The following PAK1 variants were observed in gnomAD, a reference collection of about 807,000 sequenced individuals.
PAK1 encodes serine/threonine-protein kinase PAK 1.
A neutral mutation model predicts 67.4 loss-of-function variants in PAK1; 29 were observed. The observed-to-expected ratio is 0.43, with a 90% confidence interval of 0.32 to 0.59. The LOEUF (loss-of-function observed/expected upper bound fraction) is 0.59. Ranked by LOEUF, PAK1 falls within the 20% of genes least tolerant of loss-of-function variation. PAK1 has a pLI of 0.07. For synonymous variants in PAK1, 223 were observed against 237.4 expected (o/e 0.94, Z 0.56); for missense variants, 337 against 670.7 (o/e 0.50, Z 5.50).
At chr11:77,406,439 T>C (rs183363650) in intron 1 of PAK1, among the ~76,000 whole-genome samples, 2 of 152,332 alleles carry the variant, frequency 1.3e-5, no homozygotes, top group African/African-American at 2.4e-5. Context: ...AAGTCTGCTG[T>C]GCTTACCAAA....
chr11:77,489,732 A>G, the PAK1 span, among the ~76,000 whole-genome samples: 13,904 of 148,130 alleles, frequency 0.094, 1,904 homozygotes, highest in African/African-American at 0.31. Context: ...ATTGCAGACG[A>G]AGTCTCGTTC....
intron 13 of PAK1, among the ~76,000 whole-genome samples, chr11:77,334,456 C>T (rs1027613931): frequency 1.3e-5 from 2 of 152,270 alleles, no homozygotes; most frequent in South Asian, 2.1e-4. Flanking sequence ...CAACAGTGCA[C>T]AGGGAATTCC....
At chr11:77,405,928 G>T (rs927248825) in intron 1 of PAK1, among the ~76,000 whole-genome samples, 2 of 151,956 alleles carry the variant, frequency 1.3e-5, no homozygotes, top group Non-Finnish European at 2.9e-5. Flanking sequence ...CTGTCCTCAC[G>T]TTACTCAGTA....
chr11:77,324,887 A>C (rs1015164271), intron 14 of PAK1, among the ~76,000 whole-genome samples: 1 of 152,220 alleles, frequency 6.6e-6, no homozygotes, highest in Non-Finnish European at 1.5e-5. Context: ...GAGATAGTAT[A>C]AAGAGCTACT....
At chr11:77,400,496 A>G (rs1294097286) in intron 1 of PAK1, among the ~76,000 whole-genome samples, 2 of 152,194 alleles carry the variant, frequency 1.3e-5, no homozygotes, top group Admixed American at 6.5e-5. Flanking sequence ...ACCATCTGCT[A>G]CCCATCTGCA....
At chr11:77,355,403 C>T (rs1945875779) in intron 7 of PAK1, among the ~76,000 whole-genome samples, 1 of 152,106 alleles carries the variant, frequency 6.6e-6, no homozygotes, top group South Asian at 2.1e-4. Context: ...TTTGTCTTCG[C>T]TATAATACAT....
the PAK1 span, among the ~76,000 whole-genome samples, chr11:77,519,446 T>C: frequency 6.6e-6 from 1 of 152,218 alleles, no homozygotes; most frequent in South Asian, 2.1e-4. Context: ...TGGGTTCCTT[T>C]TCTTTTTTCT....
intron 1 of PAK1, among the ~76,000 whole-genome samples, chr11:77,441,217 A>T (rs1048497968): frequency 6.6e-6 from 1 of 151,604 alleles, no homozygotes; most frequent in African/African-American, 2.4e-5. Flanking sequence ...AAAAAAAAAA[A>T]TCTAAAGGAA....
Position 77,365,811 on chromosome 11 carries a change from C to T in PAK1, c.478-6794G>A, listed in dbSNP as rs1031157000. 2.7e-5 allele frequency among the ~76,000 whole-genome samples: 4 copies of T among 150,560 alleles called. No individual in the cohort carries two copies. The East Asian group carries it at 5.8e-4, about 22-fold the overall frequency. On this transcript the variant is annotated intron_variant, in intron 5 of 14. Transcript: ENST00000356341. Reference sequence around the variant, plus strand: ...TCGCACCACTGTACTCCAGCCTGGGCGACAGAGCGAGACTCCGTCTCAGAA... The same window carrying T: ...TCGCACCACTGTACTCCAGCCTGGGTGACAGAGCGAGACTCCGTCTCAGAA...
intron 1 of PAK1, among the ~76,000 whole-genome samples, chr11:77,430,677 TC>T (rs1403819814): frequency 6.6e-6 from 1 of 152,256 alleles, no homozygotes; most frequent in South Asian, 2.1e-4. Context: ...GATTGCTGAC[TC>T]TTCCCCCTTG....
chr11:77,487,329 C>T, the PAK1 span, among the ~76,000 whole-genome samples: 2 of 152,162 alleles, frequency 1.3e-5, no homozygotes, highest in African/African-American at 4.8e-5. Flanking sequence ...CACCATGGGC[C>T]CTGGGTGAGA....
intron 1 of PAK1, chr11:77,473,284 T>A (rs1957955771): frequency 6.6e-6 from 1 of 152,338 alleles, no homozygotes; most frequent in Non-Finnish European, 1.5e-5. Flanking sequence ...CCCCGCCCCT[T>A]CCCTCTCCCA....
chr11:77,355,855 T>C lies in PAK1; in HGVS notation c.598-13A>G. ...ACCGTGTGTATACCTGCATTATTAG[T>C]GCAAAATTTTGGCAAGACCAGCCTT... On this transcript the variant is annotated splice_polypyrimidine_tract_variant and intron_variant, in intron 6 of 14. Coordinates refer to ENST00000356341, the MANE Select transcript of PAK1 (RefSeq NM_002576.5). 1 of 1,610,798 alleles carries C rather than the reference T, an allele frequency of 6.2e-7. No homozygotes were observed. Among genetic ancestry groups the C allele is most frequent in the South Asian group, 1.1e-5 (1 of 90,844 alleles).
intron 1 of PAK1, among the ~76,000 whole-genome samples, chr11:77,467,410 A>G (rs756199651): frequency 2.0e-5 from 3 of 152,232 alleles, no homozygotes; most frequent in Non-Finnish European, 2.9e-5. Flanking sequence ...GCTATGATTC[A>G]TCTGTTTATT....
At chr11:77,373,906 T>C (rs1948760186) in intron 5 of PAK1, among the ~76,000 whole-genome samples, 1 of 152,198 alleles carries the variant, frequency 6.6e-6, no homozygotes, top group Admixed American at 6.5e-5. Context: ...TGTAGGTATC[T>C]GAAGACATGT....
chr11:77,456,563 T>G (rs1400552130), intron 1 of PAK1, among the ~76,000 whole-genome samples: 1 of 152,186 alleles, frequency 6.6e-6, no homozygotes, highest in East Asian at 1.9e-4. Context: ...AGGGCAGGGC[T>G]ATAAATTAAA....
At chr11:77,450,545 G>A (rs1378725748) in intron 1 of PAK1, among the ~76,000 whole-genome samples, 1 of 152,166 alleles carries the variant, frequency 6.6e-6, no homozygotes, top group African/African-American at 2.4e-5. Context: ...TCTCTGCAAG[G>A]TGAAGCTGGG....
chr11:77,492,857 T>C, the PAK1 span, among the ~76,000 whole-genome samples: 2 of 152,128 alleles, frequency 1.3e-5, no homozygotes, highest in Non-Finnish European at 2.9e-5. Flanking sequence ...ACCCCTGCTT[T>C]TGATCCTGCT....
chr11:77,471,137 G>A (rs1957833988), intron 1 of PAK1, among the ~76,000 whole-genome samples: 1 of 152,172 alleles, frequency 6.6e-6, no homozygotes, highest in Admixed American at 6.5e-5. Flanking sequence ...TTAAAGCAAT[G>A]ACCAAACTGA....
Sources: gnomAD v4.1 joint callset for allele counts (sites outside exome capture counted in the v4.1 genomes callset) on GRCh38, gnomAD v4.1.1 for gene constraint, MANE v1.5 for transcripts, NCBI Gene and HGNC (gene_info 2026-07-23, HGNC 2026-07-21) for gene names.